MICAL3: variants seen among roughly 807,000 people sequenced by gnomAD.
MICAL3 encodes the protein [F-actin]-monooxygenase MICAL3.
A neutral mutation model predicts 207.4 loss-of-function variants in MICAL3; 62 were observed. The ratio of observed to expected loss-of-function variants is 0.30; its 90% CI spans 0.24 to 0.37. MICAL3 has a LOEUF of 0.37. Ranked by LOEUF, MICAL3 falls within the 10% of genes least tolerant of loss-of-function variation. MICAL3 has a pLI of 1.00. For missense variants in MICAL3, 2,368 were observed against 2,635.6 expected (o/e 0.90, Z 2.22); for synonymous variants, 1,077 against 1,069.3 (o/e 1.01, Z -0.14).
intron 18 of MICAL3, 57 bp downstream of exon 18, chr22:17,865,867 G>T: frequency 6.9e-7 from 1 of 1,459,490 alleles, no homozygotes; most frequent in Non-Finnish European, 9.6e-7. Flanking sequence ...CCGGCCCATA[G>T]CCACACTGCT....
chr22:17,854,699 C>T (rs554374869), intron 19 of MICAL3, among the ~76,000 whole-genome samples: 22 of 152,230 alleles, frequency 1.4e-4, no homozygotes, highest in Non-Finnish European at 2.5e-4. Flanking sequence ...GGTGATTCTG[C>T]TCCTCCTGGC....
At chr22:17,838,274 C>T (rs9618135) in intron 20 of MICAL3, among the ~76,000 whole-genome samples, 6,881 of 152,274 alleles carry the variant, frequency 0.045, 363 homozygotes, top group African/African-American at 0.12. Context: ...ATCAGAAACT[C>T]AGCCCAACGT....
intron 19 of MICAL3, among the ~76,000 whole-genome samples, chr22:17,857,718 C>A (rs1387162540): frequency 6.6e-6 from 1 of 152,246 alleles, no homozygotes; most frequent in Non-Finnish European, 1.5e-5. Flanking sequence ...CAAGAGTCTG[C>A]AGCAAGGCGG....
chr22:17,858,448 G>C (rs1289940829), intron 19 of MICAL3: 1 of 985,180 alleles, frequency 1.0e-6, no homozygotes, highest in Non-Finnish European at 1.2e-6. Context: ...TTCGTGAAAG[G>C]GGCTGGAATT....
At chr22:17,909,296 G>A (rs1931963309) in intron 1 of MICAL3, among the ~76,000 whole-genome samples, 1 of 152,108 alleles carries the variant, frequency 6.6e-6, no homozygotes, top group African/African-American at 2.4e-5. Flanking sequence ...GGCCGAGGTG[G>A]GTGAATCACT....
At chr22:17,903,135 C>T (rs534279770) in intron 3 of MICAL3, among the ~76,000 whole-genome samples, 11 of 152,358 alleles carry the variant, frequency 7.2e-5, no homozygotes, top group African/African-American at 2.6e-4. Flanking sequence ...GTGCAGCCCA[C>T]GGTCAGATGC....
At chr22:17,929,211 A>C (rs1602236792) in intron 1 of MICAL3, among the ~76,000 whole-genome samples, 1 of 128,576 alleles carries the variant, frequency 7.8e-6, no homozygotes, top group African/African-American at 3.0e-5. Context: ...AATTCCCCCT[A>C]CCTCAGCCTC....
chr22:17,862,195 G>A (rs1022602738), intron 19 of MICAL3: 1 of 985,198 alleles, frequency 1.0e-6, no homozygotes, highest in African/African-American at 1.7e-5. Context: ...CCATGGGCCT[G>A]AGCTAATGAC....
chr22:17,972,972 G>A (rs62240648), intron 1 of MICAL3, among the ~76,000 whole-genome samples: 1 of 152,304 alleles, frequency 6.6e-6, no homozygotes, highest in African/African-American at 2.4e-5. Context: ...CAGGCATGTT[G>A]CGCCTTGCCC....
chr22:17,887,305 A>G lies in MICAL3; in HGVS notation c.2004+18T>C, dbSNP rs750413427. 4.5e-5 allele frequency: 73 copies of G among 1,611,630 alleles called. No homozygotes were observed. Among genetic ancestry groups the G allele is most frequent in the Non-Finnish European group, 6.0e-5 (71 of 1,177,856 alleles). On this transcript the variant is annotated intron_variant, in intron 14 of 31. Coordinates refer to ENST00000441493, the MANE Select transcript of MICAL3 (RefSeq NM_015241.3). Reference sequence around the variant, plus strand: ...TTGCCATTAGCTTTGCAGCCCATCAAGAGACTCCTCCACATACCTTGGGAG... The same window carrying G: ...TTGCCATTAGCTTTGCAGCCCATCAGGAGACTCCTCCACATACCTTGGGAG...
intron 1 of MICAL3, among the ~76,000 whole-genome samples, chr22:18,022,945 C>G (rs1019197209): frequency 6.6e-6 from 1 of 152,152 alleles, no homozygotes; most frequent in South Asian, 2.1e-4. Flanking sequence ...GGACCTGTTC[C>G]GAGAGTGATG....
rs932343868 is a variant in MICAL3, at chr22:17,977,422, A to G, written c.-75+46859T>C. Among the ~76,000 whole-genome samples, 94 of 152,278 alleles carry G rather than the reference A, an allele frequency of 6.2e-4. 1 individual carries two copies. Among genetic ancestry groups the G allele is most frequent in the Non-Finnish European group, 1.8e-4 (12 of 68,022 alleles). ...CTAAGGAAGACCCAGAAGCACAAGA[A>G]AAGAAAGACGCCAATAAGCACATGA... On this transcript the variant is annotated intron_variant, in intron 1 of 31. Coordinates refer to ENST00000441493, the MANE Select transcript of MICAL3 (RefSeq NM_015241.3).
chr22:17,795,639 A>C (rs894952897), intron 29 of MICAL3, among the ~76,000 whole-genome samples: 3 of 152,274 alleles, frequency 2.0e-5, no homozygotes, highest in Non-Finnish European at 4.4e-5. Flanking sequence ...AGGTAAAGCA[A>C]GCATTTAAAG....
At chr22:17,854,896 C>A (rs545786878) in intron 19 of MICAL3, among the ~76,000 whole-genome samples, 88 of 152,348 alleles carry the variant, frequency 5.8e-4, no homozygotes, top group Middle Eastern at 3.4e-3. Flanking sequence ...GATATTACAG[C>A]AGGACGTCTC....
In MICAL3 at chr22:17,817,521, ACTT is replaced by A. The variant is rs773972789; in HGVS notation, c.5137_5139del (p.Lys1713del). The A allele has an allele frequency of 2.4e-5, 39 of 1,613,248 alleles. No individual in the cohort carries two copies. The highest frequency in any genetic ancestry group is 1.6e-4 in the Middle Eastern group (1 of 6,062). The stretch of plus-strand genomic sequence containing the variant: ...TCCGGGGGCCGGCCCTCGCCTTTGG[ACTT>A]CTTCTCCTTCTTGTTTCTGCGGGGG... On this transcript the variant is annotated inframe_deletion, in exon 26 of 32. Coordinates refer to ENST00000441493, the MANE Select transcript of MICAL3 (RefSeq NM_015241.3).
At chr22:17,942,783 GC>G (rs763828629) in intron 1 of MICAL3, among the ~76,000 whole-genome samples, 89 of 152,344 alleles carry the variant, frequency 5.8e-4, no homozygotes, top group Non-Finnish European at 1.0e-3. Context: ...TTCAACCAGG[GC>G]AGTCCCAGAG....
intron 16 of MICAL3, chr22:17,875,225 T>C (rs953784347): frequency 6.1e-6 from 2 of 329,766 alleles, no homozygotes; most frequent in Non-Finnish European, 5.5e-6. Flanking sequence ...ATGTGTCAGA[T>C]ACAGTTGGAT....
chr22:17,878,732 C>T (rs1018075581), intron 16 of MICAL3, among the ~76,000 whole-genome samples: 5 of 152,160 alleles, frequency 3.3e-5, no homozygotes, highest in African/African-American at 9.7e-5. Flanking sequence ...CTGGGCATCT[C>T]GGCTATCCCT....
At chr22:17,863,335 G>A (rs1347689863) in intron 19 of MICAL3, 1 of 985,254 alleles carries the variant, frequency 1.0e-6, no homozygotes, top group African/African-American at 1.7e-5. Context: ...CATCTCTGAT[G>A]AAATAGGGCC....
Sources: allele counts gnomAD v4.1 joint callset (sites outside exome capture counted in the v4.1 genomes callset), GRCh38; gene constraint gnomAD v4.1.1; transcripts MANE v1.5; gene names NCBI Gene and HGNC (gene_info 2026-07-23, HGNC 2026-07-21).